Variants in SNTG1 observed in about 807,000 individuals in gnomAD.
The protein encoded by SNTG1 is gamma-1-syntrophin.
SNTG1 carries 39 observed loss-of-function variants against 74.7 expected under a neutral mutation model. That is an observed-to-expected ratio of 0.52 (90% CI 0.40 to 0.68). The LOEUF (loss-of-function observed/expected upper bound fraction) is 0.68. Among genes scored for constraint, SNTG1 ranks in the 30% least tolerant of loss-of-function variants. SNTG1 has a pLI of 0.00. For missense variants in SNTG1, 685 were observed against 609.5 expected (o/e 1.12, Z -1.30); for synonymous variants, 254 against 217.1 (o/e 1.17, Z -1.49).
intron 1 of SNTG1, among the ~76,000 whole-genome samples, chr8:50,155,012 T>A (rs370716377): frequency 4.6e-5 from 7 of 152,222 alleles, no homozygotes; most frequent in African/African-American, 1.7e-4. Flanking sequence ...TACTTACAAC[T>A]TTTTTCTATG....
intron 11 of SNTG1, among the ~76,000 whole-genome samples, chr8:50,544,830 T>A (rs888886757): frequency 6.6e-6 from 1 of 152,078 alleles, no homozygotes; most frequent in Non-Finnish European, 1.5e-5. Context: ...TATGTTTGAT[T>A]CTTTCTCTGT....
intron 1 of SNTG1, among the ~76,000 whole-genome samples, chr8:50,069,744 G>T (rs1024812977): frequency 6.6e-6 from 1 of 151,758 alleles, no homozygotes; most frequent in Non-Finnish European, 1.5e-5. Context: ...AATCCCTGGT[G>T]TGGATCCCAT....
chr8:49,917,564 G>A (rs1291842430), intron 1 of SNTG1, among the ~76,000 whole-genome samples: 2 of 152,110 alleles, frequency 1.3e-5, no homozygotes, highest in Admixed American at 1.3e-4. Flanking sequence ...TGTTGAAGCT[G>A]GTGAGTGTTA....
At chr8:49,920,060 C>A (rs1331730298) in intron 1 of SNTG1, among the ~76,000 whole-genome samples, 1 of 151,990 alleles carries the variant, frequency 6.6e-6, no homozygotes, top group Non-Finnish European at 1.5e-5. Context: ...ACTTAAGAAT[C>A]CTTTTAAGCG....
intron 4 of SNTG1, among the ~76,000 whole-genome samples, chr8:50,428,551 T>C (rs1257438686): frequency 2.0e-5 from 3 of 152,218 alleles, no homozygotes; most frequent in Non-Finnish European, 2.9e-5. Flanking sequence ...TAGTCTGCAT[T>C]ATCTAATGAC....
chr8:50,125,065 C>T (rs1356887590), intron 1 of SNTG1, among the ~76,000 whole-genome samples: 1 of 141,762 alleles, frequency 7.1e-6, no homozygotes, highest in East Asian at 2.0e-4. Context: ...ATACAAGAGT[C>T]CAGCTGCTGA....
At chr8:50,382,998 T>C (rs2092514719) in intron 2 of SNTG1, among the ~76,000 whole-genome samples, 1 of 152,166 alleles carries the variant, frequency 6.6e-6, no homozygotes, top group African/African-American at 2.4e-5. Context: ...ACCCACATTA[T>C]TGGGAATAAT....
At chr8:50,367,975 G>A (rs1021631974) in intron 2 of SNTG1, among the ~76,000 whole-genome samples, 1 of 152,058 alleles carries the variant, frequency 6.6e-6, no homozygotes, top group African/African-American at 2.4e-5. Flanking sequence ...GTACAGACTA[G>A]AAAAAGCCCG....
At chr8:50,038,074 T>C (rs541577790) in intron 1 of SNTG1, among the ~76,000 whole-genome samples, 102 of 152,300 alleles carry the variant, frequency 6.7e-4, no homozygotes, top group African/African-American at 2.2e-3. Context: ...CTCAGCCTTG[T>C]TCTTTCTTAT....
rs148333522 is a variant in SNTG1, at chr8:50,113,072, G to T, written c.-102-59489G>T. ...TTTGGCTTAGGATTGATTTTGACTT[G>T]GCAATGTGGGCTCTTTTTTGGTTCC... On this transcript the variant is annotated intron_variant, in intron 1 of 18. Transcript: ENST00000642720. Among the ~76,000 whole-genome samples the T allele has an allele frequency of 6.7e-3, 1,022 of 152,156 alleles. 3 individuals carry two copies. The highest frequency in any genetic ancestry group is 0.011 in the South Asian group (54 of 4,812).
chr8:50,372,281 T>C (rs535039154), intron 2 of SNTG1, among the ~76,000 whole-genome samples: 5 of 152,058 alleles, frequency 3.3e-5, no homozygotes, highest in Admixed American at 3.3e-4. Flanking sequence ...GCATCTTCTA[T>C]AGTTATTTTT....
intron 1 of SNTG1, among the ~76,000 whole-genome samples, chr8:49,959,548 T>C (rs1306137505): frequency 6.6e-6 from 1 of 152,264 alleles, no homozygotes; most frequent in South Asian, 2.1e-4. Context: ...ATACAATATA[T>C]GTGTTTTTTG....
chr8:50,242,543 AAAC>A (rs201910027), intron 2 of SNTG1, among the ~76,000 whole-genome samples: 9,290 of 121,138 alleles, frequency 0.077, 820 homozygotes, highest in South Asian at 0.23. Context: ...AAAAAAAAAA[AAAC>A]ACACCAGGAA....
intron 2 of SNTG1, among the ~76,000 whole-genome samples, chr8:50,173,541 G>A (rs1159690120): frequency 6.6e-6 from 1 of 152,130 alleles, no homozygotes; most frequent in Non-Finnish European, 1.5e-5. Context: ...GAATCTTTGA[G>A]TGTATCATGT....
At chr8:50,701,586 C>CTTCTTCTTCTTCT (rs2095423842) in intron 15 of SNTG1, among the ~76,000 whole-genome samples, 1,871 of 145,276 alleles carry the variant, frequency 0.013, 127 homozygotes, top group African/African-American at 0.046. Context: ...CTTTTTCTTC[C>CTTCTTCTTCTTCT]TCTTCTTCTT....
intron 12 of SNTG1, among the ~76,000 whole-genome samples, chr8:50,571,152 A>G (rs943407554): frequency 1.3e-5 from 2 of 152,060 alleles, no homozygotes; most frequent in Non-Finnish European, 2.9e-5. Flanking sequence ...TGGCCAGGGC[A>G]GCTCCAGCTA....
chr8:50,687,237 G>GA (rs796878962), intron 15 of SNTG1, among the ~76,000 whole-genome samples: 412 of 145,744 alleles, frequency 2.8e-3, no homozygotes, highest in African/African-American at 9.6e-3. Flanking sequence ...GATGAAAAAT[G>GA]AAAAAAAAAT....
chr8:50,779,224 T>C (rs538573969), intron 18 of SNTG1, among the ~76,000 whole-genome samples: 26 of 152,338 alleles, frequency 1.7e-4, no homozygotes, highest in African/African-American at 6.3e-4. Context: ...AAGTAGTTTT[T>C]TCCAATTCTG....
intron 1 of SNTG1, among the ~76,000 whole-genome samples, chr8:50,097,089 C>T (rs1438504064): frequency 6.6e-6 from 1 of 152,024 alleles, no homozygotes; most frequent in Admixed American, 6.5e-5. Flanking sequence ...CCTGCCTCAG[C>T]CTCCCAAGTA....
Sources: allele counts gnomAD v4.1 joint callset (sites outside exome capture counted in the v4.1 genomes callset), GRCh38; gene constraint gnomAD v4.1.1; transcripts MANE v1.5; gene names NCBI Gene and HGNC (gene_info 2026-07-23, HGNC 2026-07-21).